The following MORC1 variants were observed in gnomAD, a reference collection of about 807,000 sequenced individuals.
The protein encoded by MORC1 is MORC family CW-type zinc finger 1.
A neutral mutation model predicts 134.9 loss-of-function variants in MORC1; 59 were observed. That is an observed-to-expected ratio of 0.44 (90% confidence interval 0.35 to 0.54). The LOEUF (loss-of-function observed/expected upper bound fraction) is 0.54. MORC1 is among the 20% of genes least tolerant of loss of function. The pLI, the probability that MORC1 is intolerant of heterozygous loss-of-function variation, is 0.00. For synonymous variants in MORC1, 395 were observed against 391.7 expected (o/e 1.01, Z -0.10); for missense variants, 947 against 1,134.5 (o/e 0.83, Z 2.37).
intron 20 of MORC1, among the ~76,000 whole-genome samples, chr3:109,002,381 T>C (rs1948428732): frequency 1.3e-5 from 2 of 152,142 alleles, no homozygotes; most frequent in Admixed American, 1.3e-4. Flanking sequence ...CATCAGCCAA[T>C]GTTGGGCAAT....
rs80242690 is a variant in MORC1, at chr3:109,098,203, G to A, written c.423+1155C>T. ...TGGGACTACAGATGCACTCCACCGT[G>A]CCCAGCTAGAACTTGTTAATATTGT... On this transcript the variant is annotated intron_variant, in intron 6 of 27. Transcript: ENST00000232603. Among the ~76,000 whole-genome samples, 817 of 152,046 alleles carry A rather than the reference G, an allele frequency of 5.4e-3. 6 individuals are homozygous for A. Among genetic ancestry groups the A allele is most frequent in the African/African-American group, 0.017 (696 of 41,474 alleles).
chr3:109,000,737 T>C, intron 20 of MORC1, 79 bp from the exon 21 acceptor site: 1 of 1,044,264 alleles, frequency 9.6e-7, no homozygotes, highest in Non-Finnish European at 1.4e-6. Context: ...TCACTCTTCA[T>C]TCTGCCTCTA....
intron 9 of MORC1, 131 bp from the exon 10 acceptor site, chr3:109,063,362 T>G: frequency 2.0e-6 from 1 of 508,602 alleles, no homozygotes; most frequent in South Asian, 4.7e-5. Flanking sequence ...GTGAGTTGCA[T>G]CCAGCTGGTA....
Position 109,114,390 on chromosome 3 carries a change from T to C in MORC1, c.113A>G (p.Asn38Ser). 6.2e-7 allele frequency: 1 copy of C among 1,612,380 alleles called. No individual in the cohort carries two copies. Among genetic ancestry groups the C allele is most frequent in the African/African-American group, 1.3e-5 (1 of 74,990 alleles). The change falls in exon 2 of 28, where the codon AAT becomes AGT. Residue 38 changes from asparagine to serine, a missense_variant. By Grantham distance (46) the Asn-to-Ser change is conservative. Coordinates refer to ENST00000232603, the MANE Select transcript of MORC1 (RefSeq NM_014429.4). ...LFGALAELLD[N>S]ARDAGAERLD... ...GTTTACAGATAAACCTTACCTTGCA[T>C]TGTCCAGCAATTCAGCCAGTGCTCC... is the stretch of plus-strand genomic sequence containing the variant.
intron 3 of MORC1, among the ~76,000 whole-genome samples, chr3:109,105,843 T>C (rs1446389104): frequency 6.6e-6 from 1 of 152,200 alleles, no homozygotes; most frequent in African/African-American, 2.4e-5. Flanking sequence ...TTTACTTCTT[T>C]GTCTGTAAAC....
chr3:109,097,262 A>G (rs1950847377), intron 6 of MORC1, among the ~76,000 whole-genome samples: 1 of 152,240 alleles, frequency 6.6e-6, no homozygotes, highest in Non-Finnish European at 1.5e-5. Flanking sequence ...CAATAACAAC[A>G]CTAGAAACTA....
intron 24 of MORC1, among the ~76,000 whole-genome samples, chr3:108,972,905 G>C (rs1424266001): frequency 6.6e-6 from 1 of 152,098 alleles, no homozygotes; most frequent in Non-Finnish European, 1.5e-5. Context: ...ATATTAGATG[G>C]CAGCATTTAC....
chr3:108,978,154 G>A (rs1947615522), intron 24 of MORC1, among the ~76,000 whole-genome samples: 1 of 152,216 alleles, frequency 6.6e-6, no homozygotes, highest in African/African-American at 2.4e-5. Flanking sequence ...TGGGATTACA[G>A]GCATGAGCCA....
Position 109,100,464 on chromosome 3 carries a change from C to G in MORC1, c.267G>C (p.Arg89=), listed in dbSNP as rs747172427. 1.2e-6 allele frequency: 2 copies of G among 1,613,654 alleles called. No homozygotes were observed. Among genetic ancestry groups the G allele is most frequent in the South Asian group, 2.2e-5 (2 of 91,070 alleles). Residue 89 remains arginine (R), a synonymous_variant, in exon 5 of 28, where the codon CGG becomes CGC. Transcript: ENST00000232603. ...DIIYFGRSKK[R]LSTLKFIGQY... ...GCCCTATGAACTTCAAGGTTGACAG[C>G]CGTTTTTTGGATCGTCCAAAGTAAA...
rs529408966 is a variant in MORC1, at chr3:109,063,933, T to C, written c.816-702A>G. The stretch of plus-strand genomic sequence containing the variant: ...CCGGGCTTTTAAACATTGGTTTAAA[T>C]CATCATAGAGAGAAAAATTCTAGAA... On this transcript the variant is annotated intron_variant, in intron 9 of 27. Transcript: ENST00000232603. Among the ~76,000 whole-genome samples the C allele has an allele frequency of 5.7e-4, 87 of 152,218 alleles. 2 individuals are homozygous for C. The highest frequency in any genetic ancestry group is 1.9e-3 in the African/African-American group (77 of 41,552).
intron 17 of MORC1, among the ~76,000 whole-genome samples, chr3:109,014,198 T>C (rs1315431390): frequency 6.6e-6 from 1 of 152,176 alleles, no homozygotes; most frequent in Admixed American, 6.5e-5. Context: ...ATACCAAAAG[T>C]CCCCTATAAC....
At chr3:109,000,261 T>C (rs537376367) in intron 21 of MORC1, among the ~76,000 whole-genome samples, 1 of 152,314 alleles carries the variant, frequency 6.6e-6, no homozygotes, top group African/African-American at 2.4e-5. Flanking sequence ...TCAAGTTATA[T>C]ATATAACTTT....
At chr3:109,080,310 G>A (rs950876067) in intron 8 of MORC1, among the ~76,000 whole-genome samples, 5 of 152,116 alleles carry the variant, frequency 3.3e-5, no homozygotes, top group Non-Finnish European at 1.5e-5. Flanking sequence ...TTATGCAGGG[G>A]AATTCCTCTT....
intron 9 of MORC1, among the ~76,000 whole-genome samples, chr3:109,064,678 T>C (rs1387838584): frequency 6.6e-6 from 1 of 152,078 alleles, no homozygotes; most frequent in Admixed American, 6.6e-5. Context: ...TGCATTGGAG[T>C]ATTCAATCAT....
intron 4 of MORC1, among the ~76,000 whole-genome samples, chr3:109,103,372 T>C (rs1950964935): frequency 6.6e-6 from 1 of 152,162 alleles, no homozygotes; most frequent in Non-Finnish European, 1.5e-5. Flanking sequence ...GAACATTCAT[T>C]TGAAGCAAGT....
intron 3 of MORC1, among the ~76,000 whole-genome samples, chr3:109,108,408 T>C (rs915674751): frequency 5.3e-5 from 8 of 152,154 alleles, no homozygotes; most frequent in African/African-American, 1.7e-4. Flanking sequence ...CCTCCATCAA[T>C]TGTGCATGTG....
intron 17 of MORC1, among the ~76,000 whole-genome samples, chr3:109,016,589 G>T (rs377541732): frequency 2.0e-5 from 3 of 152,148 alleles, no homozygotes; most frequent in Non-Finnish European, 4.4e-5. Context: ...CAGGCCGGGC[G>T]CAGTGGCTCA....
At chr3:109,007,180 TAAA>T (rs779243115) in intron 17 of MORC1, 89 bp from the exon 18 acceptor site, 12 of 991,662 alleles carry the variant, frequency 1.2e-5, no homozygotes, top group East Asian at 5.0e-5. Flanking sequence ...CTCCATTTCT[TAAA>T]GAAGGGTCAA....
At chr3:109,004,989 G>A (rs374816651) in intron 19 of MORC1, 81 bp downstream of exon 19, 6 of 1,570,980 alleles carry the variant, frequency 3.8e-6, no homozygotes, top group South Asian at 1.2e-5. Context: ...GTCTTAAAAT[G>A]TGAAAATGAA....
Sources: gnomAD v4.1 joint callset for allele counts (sites outside exome capture counted in the v4.1 genomes callset) on GRCh38, gnomAD v4.1.1 for gene constraint, MANE v1.5 for transcripts, NCBI Gene and HGNC (gene_info 2026-07-23, HGNC 2026-07-21) for gene names.